BFSP1: variants seen among roughly 807,000 people sequenced by gnomAD.
The protein encoded by BFSP1 is beaded filament structural protein 1, also known as filensin.
BFSP1 carries 38 observed loss-of-function variants against 43.9 expected under a neutral mutation model. That is an observed-to-expected ratio of 0.87 (90% CI 0.67 to 1.14). The LOEUF is 1.14. Among genes scored for constraint, BFSP1 ranks in the 50% most tolerant of loss-of-function variants. BFSP1 has a pLI of 0.00. For missense variants in BFSP1, 850 were observed against 875.1 expected (o/e 0.97, Z 0.36); for synonymous variants, 352 against 354.8 (o/e 0.99, Z 0.09).
intron 1 of BFSP1, among the ~76,000 whole-genome samples, chr20:17,554,528 G>A (rs1008559485): frequency 6.6e-6 from 1 of 152,090 alleles, no homozygotes; most frequent in Non-Finnish European, 1.5e-5. Context: ...TAAAGGAGGG[G>A]AACACCTAGT....
intron 1 of BFSP1, among the ~76,000 whole-genome samples, chr20:17,566,418 C>A (rs142498174): frequency 6.6e-5 from 10 of 152,136 alleles, no homozygotes; most frequent in Admixed American, 3.9e-4. Flanking sequence ...TGAAATATAC[C>A]AATCTCATAT....
intron 1 of BFSP1, chr20:17,569,036 C>G (rs1443293839): frequency 1.3e-5 from 2 of 152,224 alleles, no homozygotes; most frequent in African/African-American, 4.8e-5. Context: ...AATTAAAAAC[C>G]CGGAGAACTG....
At chr20:17,548,180 C>CAAAAAAAAAAAAAAA (rs11470598) in intron 1 of BFSP1, among the ~76,000 whole-genome samples, 10 of 119,804 alleles carry the variant, frequency 8.3e-5, no homozygotes, top group South Asian at 3.0e-4. Flanking sequence ...GAAAATAATG[C>CAAAAAAAAAAAAAAA]AAAAAAAAAA....
intron 2 of BFSP1, among the ~76,000 whole-genome samples, chr20:17,517,799 G>A (rs2034234071): frequency 6.6e-6 from 1 of 152,010 alleles, no homozygotes; most frequent in Non-Finnish European, 1.5e-5. Flanking sequence ...ATCTCAATTC[G>A]AACTCCCCAC....
In BFSP1 at chr20:17,494,393, C is replaced by G. The variant is rs142869476; in HGVS notation, c.1679G>C (p.Arg560Pro). Residue 560 changes from arginine to proline, a missense_variant, in exon 8 of 8, where the codon CGT (arginine) becomes CCT (proline). Transcript: ENST00000377873. ...GAELEGPEEK[R>P]EGEERDEESR... ...CTCTTCGTCCCGCTCCTCACCCTCACGTTTCTCTTCAGGGCCTTCCAGCTC... is the reference window on the plus strand; with the variant it reads ...CTCTTCGTCCCGCTCCTCACCCTCAGGTTTCTCTTCAGGGCCTTCCAGCTC... The G allele has an allele frequency of 2.5e-6, 4 of 1,614,120 alleles. No individual in the cohort carries two copies. The highest frequency in any genetic ancestry group is 2.2e-5 in the East Asian group (1 of 44,900).
At position 17,531,063 on chromosome 20, in the gene BFSP1, G is replaced by A; in HGVS notation, c.267C>T (p.Ala89=). The change falls in exon 1 of 8, where the codon GCC becomes GCT. Residue 89 remains alanine (A), a synonymous_variant. Coordinates refer to ENST00000377873, the MANE Select transcript of BFSP1 (RefSeq NM_001195.5). ...GCTGGCGGTTGCTCTCGACTTGGCG[G>A]GCGAGGGCGTCCTCGGGCCCGGCCA... ...GELAGPEDAL[A]RQVESNRQRV... 7.1e-7 allele frequency: 1 copy of A among 1,400,946 alleles called. No homozygotes were observed. Among genetic ancestry groups the A allele is most frequent in the Non-Finnish European group, 9.3e-7 (1 of 1,079,250 alleles). 86.8% of individuals were successfully genotyped at this position (1,400,946 alleles called of 1,614,324 possible).
chr20:17,552,910 T>C (rs2034918021), intron 1 of BFSP1, among the ~76,000 whole-genome samples: 1 of 152,108 alleles, frequency 6.6e-6, no homozygotes, highest in African/African-American at 2.4e-5. Flanking sequence ...AAGTCAGAAA[T>C]CTGGAGAGAG....
intron 4 of BFSP1, among the ~76,000 whole-genome samples, chr20:17,510,921 G>T (rs1240907130): frequency 6.6e-6 from 1 of 152,226 alleles, no homozygotes; most frequent in Admixed American, 6.5e-5. Context: ...AAGGGACACT[G>T]TAACATTTTT....
intron 5 of BFSP1, among the ~76,000 whole-genome samples, chr20:17,508,596 C>G (rs1422012327): frequency 6.6e-6 from 1 of 152,142 alleles, no homozygotes; most frequent in Admixed American, 6.5e-5. Flanking sequence ...AAGCCTAAGA[C>G]TCGGTGGGGA....
chr20:17,524,056 G>A (rs2034370416), intron 2 of BFSP1, among the ~76,000 whole-genome samples: 2 of 152,116 alleles, frequency 1.3e-5, no homozygotes, highest in Non-Finnish European at 2.9e-5. Context: ...CAGCCCATGT[G>A]CCCTAATCAA....
Position 17,501,273 on chromosome 20 carries a change from T to C in BFSP1, c.736-2233A>G, listed in dbSNP as rs562531362. Among the ~76,000 whole-genome samples, 3 of 152,328 alleles carry C rather than the reference T, an allele frequency of 2.0e-5. No individual in the cohort carries two copies. The South Asian group carries it at 6.2e-4, about 32-fold the overall frequency. ...AGTGAAAATGTAGCTTTCAAAGGTG[T>C]TCGGCAAATGGCCGGGTGTGGTGGC... On this transcript the variant is annotated intron_variant, in intron 5 of 7. Coordinates refer to ENST00000377873, the MANE Select transcript of BFSP1 (RefSeq NM_001195.5).
At chr20:17,524,238 A>G (rs1246534155) in intron 2 of BFSP1, among the ~76,000 whole-genome samples, 1 of 152,222 alleles carries the variant, frequency 6.6e-6, no homozygotes, top group Non-Finnish European at 1.5e-5. Context: ...GCAAAAGCAG[A>G]AAATCCAATC....
At chr20:17,517,482 C>T (rs376351048) in intron 2 of BFSP1, among the ~76,000 whole-genome samples, 3 of 152,304 alleles carry the variant, frequency 2.0e-5, no homozygotes, top group African/African-American at 7.2e-5. Flanking sequence ...CGGGGTCTCA[C>T]CATGTTGGTC....
At chr20:17,501,291 G>A (rs2033793380) in intron 5 of BFSP1, among the ~76,000 whole-genome samples, 1 of 152,226 alleles carries the variant, frequency 6.6e-6, no homozygotes, top group South Asian at 2.1e-4. Flanking sequence ...ATGGCCGGGT[G>A]TGGTGGCTCA....
chr20:17,564,394 T>G (rs1349026095), intron 1 of BFSP1, among the ~76,000 whole-genome samples: 2 of 150,880 alleles, frequency 1.3e-5, no homozygotes, highest in East Asian at 3.9e-4. Context: ...AGAAATTGGG[T>G]TTTGAGCACC....
At chr20:17,558,559 A>T in intron 1 of BFSP1, 1 of 968,354 alleles carries the variant, frequency 1.0e-6, no homozygotes, top group Non-Finnish European at 1.5e-6. Context: ...AATTTCCATG[A>T]GTCATAAAAC....
chr20:17,498,953 G>A lies in BFSP1; in HGVS notation c.823C>T (p.Arg275Cys), dbSNP rs34687819. 13 of 1,614,014 alleles carry A rather than the reference G, an allele frequency of 8.1e-6. No homozygotes were observed. The highest frequency in any genetic ancestry group is 2.7e-5 in the African/African-American group (2 of 74,894). Residue 275 changes from arginine to cysteine, a missense_variant, in exon 6 of 8, where the codon CGC becomes TGC. Arg to Cys is a radical substitution (Grantham distance 180). Transcript: ENST00000377873. ...CGCTCTGTCTCCTCAATCTCCTTGC[G>A]CAGTGTCTCAATCTGCTCGTTATAA... ...QLYNEQIETL[R>C]KEIEETERVL...
intron 1 of BFSP1, among the ~76,000 whole-genome samples, chr20:17,543,347 G>A (rs562238713): frequency 6.6e-6 from 1 of 152,238 alleles, no homozygotes; most frequent in Non-Finnish European, 1.5e-5. Context: ...TTCACATTAG[G>A]AATGAATATG....
chr20:17,520,630 C>T (rs1364051556), intron 2 of BFSP1, among the ~76,000 whole-genome samples: 2 of 152,338 alleles, frequency 1.3e-5, no homozygotes, highest in East Asian at 3.9e-4. Context: ...CACCCTCTCT[C>T]TTGCCTCTGC....
Sources: gnomAD v4.1 joint callset for allele counts (sites outside exome capture counted in the v4.1 genomes callset) on GRCh38, gnomAD v4.1.1 for gene constraint, MANE v1.5 for transcripts, NCBI Gene and HGNC (gene_info 2026-07-23, HGNC 2026-07-21) for gene names.